The following SLC16A12 variants were observed in gnomAD, a reference collection of about 807,000 sequenced individuals.
The protein encoded by SLC16A12 is monocarboxylate transporter 12.
SLC16A12 carries 17 observed loss-of-function variants against 42.4 expected under a neutral mutation model. The observed-to-expected ratio is 0.40, with a 90% CI of 0.27 to 0.60. The LOEUF (loss-of-function observed/expected upper bound fraction) is 0.60. SLC16A12 is among the 20% of genes least tolerant of loss of function. The pLI is 0.42. For missense variants in SLC16A12, 544 were observed against 623.0 expected (o/e 0.87, Z 1.35); for synonymous variants, 224 against 229.4 (o/e 0.98, Z 0.21).
rs558644469 is a variant in SLC16A12, at chr10:89,465,085, G to A, written c.-46-2461C>T. On this transcript the variant is annotated intron_variant, in intron 2 of 7. Transcript: ENST00000371790. Reference sequence around the variant, plus strand: ...GTGTTGGGGCTAAGTGAAAATAACAGTGATATAGAGCTGCTATTTACAAAA... The same window carrying A: ...GTGTTGGGGCTAAGTGAAAATAACAATGATATAGAGCTGCTATTTACAAAA... 2.6e-5 allele frequency among the ~76,000 whole-genome samples: 4 copies of A among 152,318 alleles called. No homozygotes were observed. The South Asian group carries it at 8.3e-4, about 32-fold the overall frequency.
chr10:89,462,983 C>T (rs1842328166), intron 2 of SLC16A12: 1 of 182,854 alleles, frequency 5.5e-6, no homozygotes, highest in Non-Finnish European at 1.1e-5. Flanking sequence ...TTTTTGAGGA[C>T]TTCCAGCACC....
At chr10:89,533,155 G>T (rs769275130) in intron 2 of SLC16A12, among the ~76,000 whole-genome samples, 1 of 148,294 alleles carries the variant, frequency 6.7e-6, no homozygotes, top group African/African-American at 2.6e-5. Flanking sequence ...TGTTGTTGTT[G>T]TTGTCGTTTT....
At chr10:89,472,463 TTTTTCTTTTC>T (rs1204502932) in intron 2 of SLC16A12, among the ~76,000 whole-genome samples, 2 of 151,378 alleles carry the variant, frequency 1.3e-5, no homozygotes, top group Admixed American at 6.6e-5. Context: ...ACTTCTTTCT[TTTTTCTTTTC>T]TTTTCTTTTC....
intron 2 of SLC16A12, among the ~76,000 whole-genome samples, chr10:89,554,607 T>G (rs1481484418): frequency 6.6e-6 from 1 of 152,232 alleles, no homozygotes; most frequent in Non-Finnish European, 1.5e-5. Context: ...GAATCCACCT[T>G]TCCCAGAGCT....
At position 89,462,264 on chromosome 10, in the gene SLC16A12, C is replaced by T. The variant is rs1351871563; in HGVS notation, c.200+115G>A. 39 of 1,432,606 alleles carry T rather than the reference C, an allele frequency of 2.7e-5. 1 individual carries two copies. The South Asian group carries it at 4.6e-4, about 17-fold the overall frequency. 88.7% of individuals were successfully genotyped at this position (1,432,606 alleles called of 1,614,324 possible). A position where few individuals can be genotyped will look rare whatever the true frequency, so the allele number is the denominator to read the frequency against. On this transcript the variant is annotated intron_variant, in intron 3 of 7. Transcript: ENST00000371790. The stretch of plus-strand genomic sequence containing the variant: ...AAGAGTCAACGGAAATACACACACA[C>T]CACATGAACACACACATATCTTCAC...
intron 2 of SLC16A12, among the ~76,000 whole-genome samples, chr10:89,526,026 T>C (rs1212775726): frequency 6.6e-6 from 1 of 152,200 alleles, no homozygotes. Flanking sequence ...TCAACCTGCA[T>C]GTAGAAGGGG....
chr10:89,444,435 C>T (rs1841965404), intron 3 of SLC16A12, among the ~76,000 whole-genome samples: 1 of 151,752 alleles, frequency 6.6e-6, no homozygotes, highest in Non-Finnish European at 1.5e-5. Flanking sequence ...TGTAACTGTT[C>T]ATCAATAAAG....
chr10:89,546,882 A>G (rs1843745174), intron 2 of SLC16A12, among the ~76,000 whole-genome samples: 1 of 152,214 alleles, frequency 6.6e-6, no homozygotes, highest in South Asian at 2.1e-4. Flanking sequence ...TGTTTTTTGC[A>G]GGGACATGGA....
At chr10:89,464,124 C>A (rs72816713) in intron 2 of SLC16A12, among the ~76,000 whole-genome samples, 10,254 of 152,304 alleles carry the variant, frequency 0.067, 496 homozygotes, top group East Asian at 0.21. Flanking sequence ...GAACCATGGG[C>A]AGCCTGTAGA....
intron 2 of SLC16A12, among the ~76,000 whole-genome samples, chr10:89,542,306 C>CTTTT (rs200847363): frequency 5.1e-5 from 7 of 137,020 alleles, no homozygotes; most frequent in South Asian, 2.3e-4. Context: ...CTTTTTTTTT[C>CTTTT]TTTTTTTTTT....
intron 2 of SLC16A12, among the ~76,000 whole-genome samples, chr10:89,505,082 A>G (rs1843039349): frequency 6.6e-6 from 1 of 152,208 alleles, no homozygotes; most frequent in Non-Finnish European, 1.5e-5. Flanking sequence ...TAATTGATGC[A>G]GAAAAAGGAG....
chr10:89,446,124 C>T (rs1841997785), intron 3 of SLC16A12, among the ~76,000 whole-genome samples: 1 of 152,160 alleles, frequency 6.6e-6, no homozygotes, highest in Non-Finnish European at 1.5e-5. Flanking sequence ...ACCAAATCTA[C>T]ATTTGATTGG....
chr10:89,484,431 A>T lies in SLC16A12; in HGVS notation c.-46-21807T>A, dbSNP rs574187695. Among the ~76,000 whole-genome samples the T allele has an allele frequency of 5.3e-5, 8 of 152,360 alleles. No homozygotes were observed. In the South Asian group the frequency reaches 1.7e-3, roughly 32 times the overall value. On this transcript the variant is annotated intron_variant, in intron 2 of 7. Transcript: ENST00000371790. Reference sequence around the variant, plus strand: ...AAATCTTGTCCTAAGGATTTCTGAAAAGAGTTTCAACTCACAGTTGTGGGT... The same window carrying T: ...AAATCTTGTCCTAAGGATTTCTGAATAGAGTTTCAACTCACAGTTGTGGGT...
chr10:89,479,536 G>A (rs1842631732), intron 2 of SLC16A12, among the ~76,000 whole-genome samples: 1 of 152,132 alleles, frequency 6.6e-6, no homozygotes, highest in Non-Finnish European at 1.5e-5. Context: ...AGCCTTTAGG[G>A]TGGCATTTTG....
At chr10:89,467,592 C>CA (rs915379730) in intron 2 of SLC16A12, among the ~76,000 whole-genome samples, 1 of 151,690 alleles carries the variant, frequency 6.6e-6, no homozygotes, top group Non-Finnish European at 1.5e-5. Context: ...ATATTAAAGC[C>CA]AAAAAAAGAC....
chr10:89,442,486 GA>G (rs1437269721), intron 4 of SLC16A12, among the ~76,000 whole-genome samples: 2 of 152,154 alleles, frequency 1.3e-5, no homozygotes, highest in Non-Finnish European at 1.5e-5. Flanking sequence ...CCAAAAGATA[GA>G]AATGAGGGAA....
At chr10:89,515,441 C>T (rs1211529872) in intron 2 of SLC16A12, among the ~76,000 whole-genome samples, 3 of 152,188 alleles carry the variant, frequency 2.0e-5, no homozygotes, top group African/African-American at 4.8e-5. Context: ...AAGTCAGTGT[C>T]GGAGGGCTCT....
intron 3 of SLC16A12, among the ~76,000 whole-genome samples, chr10:89,455,648 G>T (rs1842177418): frequency 6.6e-6 from 1 of 152,100 alleles, no homozygotes; most frequent in South Asian, 2.1e-4. Flanking sequence ...TTAAATAAAT[G>T]AAATTTTATT....
upstream of SLC16A12, among the ~76,000 whole-genome samples, chr10:89,539,885 C>CTTTCTTTCTTTATTTA (rs781075810): frequency 6.9e-6 from 1 of 144,362 alleles, no homozygotes; most frequent in South Asian, 2.2e-4. Context: ...TTCTTTCTTT[C>CTTTCTTTCTTTATTTA]TTTCTTTCTT....
Sources: gnomAD v4.1 joint callset for allele counts (sites outside exome capture counted in the v4.1 genomes callset) on GRCh38, gnomAD v4.1.1 for gene constraint, MANE v1.5 for transcripts, NCBI Gene and HGNC (gene_info 2026-07-23, HGNC 2026-07-21) for gene names.